Variants in EP300 observed in about 807,000 individuals in gnomAD.
EP300 encodes the protein histone acetyltransferase p300.
EP300 carries 31 observed loss-of-function variants against 264.0 expected under a neutral mutation model. The ratio of observed to expected loss-of-function variants is 0.12; its 90% CI spans 0.09 to 0.16. The LOEUF is 0.16. Ranked by LOEUF, EP300 falls within the 10% of genes least tolerant of loss-of-function variation. The pLI is 1.00. For synonymous variants in EP300, 1,340 were observed against 1,045.4 expected, an observed-to-expected ratio of 1.28 and a Z score of -5.44; for missense variants, 2,766 against 3,052.9, an observed-to-expected ratio of 0.91 and a Z score of 2.21.
chr22:41,117,852 C>G (rs745947657), intron 2 of EP300, 31 bp downstream of exon 2: 1 of 1,612,722 alleles, frequency 6.2e-7, no homozygotes, highest in Non-Finnish European at 8.5e-7. Flanking sequence ...TGTGCACAAT[C>G]GGCATGCATG....
intron 17 of EP300, among the ~76,000 whole-genome samples, chr22:41,155,895 A>G (rs1358024453): frequency 2.6e-5 from 4 of 152,212 alleles, no homozygotes; most frequent in Non-Finnish European, 5.9e-5. Flanking sequence ...CGTTTTGACT[A>G]TTAAGATAGG....
intron 1 of EP300, among the ~76,000 whole-genome samples, chr22:41,095,286 C>G (rs1028466676): frequency 7.7e-6 from 1 of 129,148 alleles, no homozygotes; most frequent in Non-Finnish European, 1.5e-5. Flanking sequence ...GTCACCCAGG[C>G]TGGAGTGCAG....
At chr22:41,164,360 ATATTT>A (rs2059123812) in intron 22 of EP300, among the ~76,000 whole-genome samples, 1 of 152,212 alleles carries the variant, frequency 6.6e-6, no homozygotes, top group African/African-American at 2.4e-5. Context: ...CCATATAAAT[ATATTT>A]TATTCTGCTG....
At chr22:41,169,997 A>T (rs1053814555) in intron 26 of EP300, among the ~76,000 whole-genome samples, 2 of 152,226 alleles carry the variant, frequency 1.3e-5, no homozygotes, top group Non-Finnish European at 2.9e-5. Context: ...ATGTCATTGG[A>T]AACATTCACT....
In EP300 at chr22:41,178,738, C is replaced by G; in HGVS notation, c.7027C>G (p.Gln2343Glu). ...GCCTTCTCCACACCACGTTTCCCCACAGACAAGTTCCCCACATCCTGGACT... is the reference window on the plus strand; with the variant it reads ...GCCTTCTCCACACCACGTTTCCCCAGAGACAAGTTCCCCACATCCTGGACT... ...PQPSPHHVSP[Q>E]TSSPHPGLVA... Residue 2343 changes from glutamine (Q) to glutamate (E), a missense_variant, in exon 31 of 31, where the codon CAG becomes GAG. Physicochemically the swap from Gln to Glu is conservative, Grantham distance 29 (BLOSUM62 2). Transcript: ENST00000263253. 1 of 1,614,210 alleles carries G rather than the reference C, an allele frequency of 6.2e-7. No individual in the cohort carries two copies. The highest frequency in any genetic ancestry group is 8.5e-7 in the Non-Finnish European group (1 of 1,180,032).
chr22:41,138,627 G>C (rs903663639), intron 8 of EP300, among the ~76,000 whole-genome samples: 1 of 152,172 alleles, frequency 6.6e-6, no homozygotes, highest in African/African-American at 2.4e-5. Context: ...AGATGAAGGA[G>C]GGGGAGGCAT....
chr22:41,120,915 A>G (rs112500745), intron 2 of EP300, among the ~76,000 whole-genome samples: 10 of 152,166 alleles, frequency 6.6e-5, no homozygotes, highest in African/African-American at 2.2e-4. Context: ...GGGTCTCACT[A>G]TGTTGTCTTG....
intron 17 of EP300, among the ~76,000 whole-genome samples, chr22:41,156,024 T>C (rs2059074809): frequency 6.6e-6 from 1 of 152,182 alleles, no homozygotes; most frequent in Admixed American, 6.5e-5. Flanking sequence ...GTTTTTTGTT[T>C]TTTTGAGATG....
At chr22:41,111,173 C>T (rs2058788257) in intron 1 of EP300, among the ~76,000 whole-genome samples, 1 of 151,946 alleles carries the variant, frequency 6.6e-6, no homozygotes, top group South Asian at 2.1e-4. Flanking sequence ...ACCACGTTGG[C>T]CAGGCTGGTC....
Position 41,158,393 on chromosome 22 carries a change from C to G in EP300, c.3502-19C>G, listed in dbSNP as rs2145749379. On this transcript the variant is annotated intron_variant, in intron 18 of 30. Transcript: ENST00000263253. ...TCCTTAAGGCCTCTGTGCTTTTTAA[C>G]AAATGGTTTCTTTTGCAGTTGGAGT... 1 of 1,612,202 alleles carries G rather than the reference C, an allele frequency of 6.2e-7. No homozygotes were observed.
chr22:41,145,062 T>G (rs1385884713), intron 10 of EP300, among the ~76,000 whole-genome samples: 1 of 152,242 alleles, frequency 6.6e-6, no homozygotes, highest in Non-Finnish European at 1.5e-5. Flanking sequence ...TTACTTGGTA[T>G]TAGCTGCTTG....
At chr22:41,140,001 A>T (rs536194291) in intron 8 of EP300, 139 bp from the exon 9 acceptor site, 3 of 681,850 alleles carry the variant, frequency 4.4e-6, no homozygotes, top group Non-Finnish European at 7.8e-6. Flanking sequence ...TCACAAAAAG[A>T]TAATTTCATT....
rs2059227924 is a variant in EP300, at chr22:41,179,545, A to C, written c.*589A>C. 2 of 193,086 alleles carry C rather than the reference A, an allele frequency of 1.0e-5. No homozygotes were observed. The highest frequency in any genetic ancestry group is 1.9e-4 in the South Asian group (1 of 5,182). 12.0% of individuals were successfully genotyped at this position (193,086 alleles called of 1,614,324 possible). On this transcript the variant is annotated 3_prime_UTR_variant, in exon 31 of 31. Coordinates refer to ENST00000263253, the MANE Select transcript of EP300 (RefSeq NM_001429.4). The stretch of plus-strand genomic sequence containing the variant: ...TTTAAAAAATGTTTAAAAAAAAAAA[A>C]AAACTGCCTTTCTTCCCCTCAAGTC...
chr22:41,178,792 C>T lies in EP300; in HGVS notation c.7081C>T (p.Gln2361Ter), dbSNP rs2145523848. ...LVAAQANPME[Q>*]GHFASPDQNS... ...AGCTGCCCAGGCCAACCCCATGGAA[C>T]AAGGGCATTTTGCCAGCCCGGACCA... The change falls in exon 31 of 31, where the codon CAA becomes TAA. Residue 2361 changes from glutamine (Q) to a stop codon, truncating the protein, a stop_gained. Transcript: ENST00000263253. LOFTEE classifies it high-confidence loss of function. 6.2e-7 allele frequency: 1 copy of T among 1,614,176 alleles called. No homozygotes were observed. The highest frequency in any genetic ancestry group is 8.5e-7 in the Non-Finnish European group (1 of 1,180,032).
rs1300217197 is a variant in EP300, at chr22:41,168,772, C to T, written c.4077C>T (p.Ala1359=). ...MAESFPYRTK[A]LFAFEEIDGV... ...AATCCTTTCCATACCGAACCAAAGC[C>T]CTCTTTGCCTTTGAAGAAATTGATG... The change falls in exon 25 of 31, where the codon GCC becomes GCT. Residue 1359 remains alanine, a synonymous_variant. Coordinates refer to ENST00000263253, the MANE Select transcript of EP300 (RefSeq NM_001429.4). 4 of 1,614,030 alleles carry T rather than the reference C, an allele frequency of 2.5e-6. No homozygotes were observed. The highest frequency in any genetic ancestry group is 3.4e-6 in the Non-Finnish European group (4 of 1,180,046).
In EP300 at chr22:41,149,746, T is replaced by C. The variant is rs17002316; in HGVS notation, c.2380-15T>C. The C allele has an allele frequency of 0.012, 19,809 of 1,613,804 alleles. 1,437 individuals carry two copies. The East Asian group carries it at 0.18, about 15-fold the overall frequency. ...GTTCTGAATTGCTGTCTTGTTATGT[T>C]TTTTATTTTAACAGGCACAAATGTC... On this transcript the variant is annotated splice_polypyrimidine_tract_variant and intron_variant, in intron 13 of 30. Transcript: ENST00000263253.
At chr22:41,132,195 CAAA>C (rs528307828) in intron 6 of EP300, among the ~76,000 whole-genome samples, 1 of 82,782 alleles carries the variant, frequency 1.2e-5, no homozygotes. Context: ...GACTCCATCT[CAAA>C]AAAAAAAAAA....
At chr22:41,097,998 AT>A (rs556679821) in intron 1 of EP300, among the ~76,000 whole-genome samples, 33,097 of 147,286 alleles carry the variant, frequency 0.22, 4,196 homozygotes, top group Non-Finnish European at 0.29. Context: ...CCAGCTAAAA[AT>A]TTTTTTTTTT....
chr22:41,173,729 A>G lies in EP300; in HGVS notation c.4724A>G (p.Asn1575Ser), dbSNP rs144547088. ...RGNKKKPGMP[N>S]VSNDLSQKLY... ...AACAAGAAGAAACCCGGGATGCCCA[A>G]TGTATCTAACGACCTCTCACAGAAA... The change falls in exon 29 of 31, where the codon AAT (asparagine) becomes AGT (serine). Residue 1575 changes from asparagine (N) to serine (S), a missense_variant. Transcript: ENST00000263253. 236 of 1,614,112 alleles carry G rather than the reference A, an allele frequency of 1.5e-4. 2 individuals carry two copies. The highest frequency in any genetic ancestry group is 4.7e-4 in the South Asian group (43 of 91,088).
Sources: allele counts gnomAD v4.1 joint callset (sites outside exome capture counted in the v4.1 genomes callset), GRCh38; gene constraint gnomAD v4.1.1; transcripts MANE v1.5; gene names NCBI Gene and HGNC (gene_info 2026-07-23, HGNC 2026-07-21).